Variants in AR observed in about 807,000 individuals in gnomAD.
The protein encoded by AR is androgen receptor.
In AR, 8 loss-of-function variants were observed where a neutral mutation model predicts 53.9. That is an observed-to-expected ratio of 0.15 (90% CI 0.09 to 0.27). The LOEUF is 0.27. Ranked by LOEUF, AR falls within the 10% of genes least tolerant of loss-of-function variation. The pLI, the probability that AR is intolerant of heterozygous loss-of-function variation, is 1.00. For missense variants in AR, 639 were observed against 742.5 expected (o/e 0.86, Z 1.62); for synonymous variants, 359 against 316.4 (o/e 1.13, Z -1.43).
intron 2 of AR, among the ~76,000 whole-genome samples, chrX:67,685,160 A>G (rs151327829): frequency 2.7e-5 from 3 of 111,545 alleles, no homozygotes; most frequent in Admixed American, 1.9e-4. Flanking sequence ...CTGTGTGTCT[A>G]TGCATCCATC....
At chrX:67,697,051 C>T (rs770596092) in intron 3 of AR, among the ~76,000 whole-genome samples, 8 of 111,731 alleles carry the variant, frequency 7.2e-5, no homozygotes, top group Non-Finnish European at 1.3e-4. Context: ...GAAATGGGTC[C>T]TTTTCTTCAA....
intron 2 of AR, among the ~76,000 whole-genome samples, chrX:67,662,467 A>G (rs1353156240): frequency 9.0e-6 from 1 of 111,370 alleles, no homozygotes; most frequent in East Asian, 2.8e-4. Context: ...GTCATTAAGG[A>G]GTAGGTTGTT....
chrX:67,665,511 A>G (rs1191263138), intron 2 of AR, among the ~76,000 whole-genome samples: 1 of 112,202 alleles, frequency 8.9e-6, no homozygotes, highest in Non-Finnish European at 1.9e-5. Context: ...ACACTTTCCC[A>G]TAAGGTGGCT....
chrX:67,638,911 T>A (rs929354203), intron 1 of AR, among the ~76,000 whole-genome samples: 14 of 112,014 alleles, frequency 1.2e-4, no homozygotes, highest in African/African-American at 4.5e-4. Context: ...CATGCCTATG[T>A]CCTGAATGGT....
At chrX:67,723,619 G>A (rs2076146452) in intron 7 of AR, 67 bp from the exon 8 acceptor site, 45 of 1,154,493 alleles carry the variant, frequency 3.9e-5, no homozygotes, top group Non-Finnish European at 5.2e-5. Flanking sequence ...TCAGAGGTTG[G>A]GGAAGAGGCT....
chrX:67,700,283 G>A (rs553452326), intron 3 of AR, among the ~76,000 whole-genome samples: 1 of 111,706 alleles, frequency 9.0e-6, no homozygotes, highest in South Asian at 3.8e-4. Flanking sequence ...TGACACAGTG[G>A]CAAGCTGACC....
chrX:67,635,885 AC>A (rs556347718), intron 1 of AR, among the ~76,000 whole-genome samples: 2 of 111,463 alleles, frequency 1.8e-5, no homozygotes, highest in South Asian at 7.5e-4. Flanking sequence ...CAAATTCTGC[AC>A]TTGTTCTCAA....
intron 2 of AR, among the ~76,000 whole-genome samples, chrX:67,654,929 G>T (rs1347319132): frequency 6.0e-5 from 6 of 100,401 alleles, no homozygotes; most frequent in Non-Finnish European, 1.2e-4. Context: ...TGTCTGTTGT[G>T]GGGGAGGGAG....
chrX:67,674,159 G>GTC (rs758684375), intron 2 of AR, among the ~76,000 whole-genome samples: 38 of 106,387 alleles, frequency 3.6e-4, no homozygotes, highest in East Asian at 1.2e-3. Flanking sequence ...AACAAATAGA[G>GTC]TCTCTCTCTC....
At chrX:67,698,429 A>C in intron 3 of AR, among the ~76,000 whole-genome samples, 1 of 113,019 alleles carries the variant, frequency 8.8e-6, no homozygotes. Flanking sequence ...GCCCCTAGGC[A>C]GGGCATCAAT....
intron 4 of AR, 132 bp downstream of exon 4, chrX:67,711,821 A>C: frequency 1.5e-6 from 1 of 676,569 alleles, no homozygotes; most frequent in Non-Finnish European, 2.1e-6. Context: ...CCTGTGGGAG[A>C]GGGATTGTTA....
At chrX:67,651,870 G>A (rs1926363495) in intron 2 of AR, among the ~76,000 whole-genome samples, 2 of 111,754 alleles carry the variant, frequency 1.8e-5, no homozygotes, top group South Asian at 7.5e-4. Flanking sequence ...ATTCTGATGA[G>A]ACCCAGCATG....
At chrX:67,601,236 A>T (rs1469453918) in intron 1 of AR, among the ~76,000 whole-genome samples, 1 of 112,091 alleles carries the variant, frequency 8.9e-6, no homozygotes, top group Non-Finnish European at 1.9e-5. Context: ...CCAGATCATT[A>T]TGAAAACACA....
chrX:67,591,018 T>C (rs1429653272), intron 1 of AR, among the ~76,000 whole-genome samples: 1 of 112,211 alleles, frequency 8.9e-6, no homozygotes, highest in Admixed American at 9.5e-5. Context: ...GGATTCTTCT[T>C]CCACTTCTGC....
At chrX:67,649,425 T>C (rs766475365) in intron 2 of AR, among the ~76,000 whole-genome samples, 91 of 112,173 alleles carry the variant, frequency 8.1e-4, no homozygotes, top group Non-Finnish European at 1.1e-3. Flanking sequence ...GCATTTCAGG[T>C]TCTAGATCCT....
intron 1 of AR, among the ~76,000 whole-genome samples, chrX:67,563,018 C>T (rs766052785): frequency 1.8e-5 from 2 of 112,055 alleles, no homozygotes; most frequent in African/African-American, 6.5e-5. Context: ...TCACTGAAGA[C>T]ATTCAAGAAG....
chrX:67,700,853 C>T (rs747986485), intron 3 of AR, among the ~76,000 whole-genome samples: 24 of 112,031 alleles, frequency 2.1e-4, no homozygotes, highest in Non-Finnish European at 4.3e-4. Flanking sequence ...GTGGGAAAGT[C>T]GAGGCGACAG....
intron 2 of AR, among the ~76,000 whole-genome samples, chrX:67,674,957 C>T (rs1206182570): frequency 9.0e-6 from 1 of 111,183 alleles, no homozygotes; most frequent in Non-Finnish European, 1.9e-5. Flanking sequence ...GCAAGTACTG[C>T]CTGGCTATCA....
At chrX:67,574,815 A>G (rs1921976966) in intron 1 of AR, among the ~76,000 whole-genome samples, 1 of 111,636 alleles carries the variant, frequency 9.0e-6, no homozygotes, top group Non-Finnish European at 1.9e-5. Context: ...GGAAGAAATT[A>G]GCCTGAGGCC....
Sources: allele counts gnomAD v4.1 joint callset (sites outside exome capture counted in the v4.1 genomes callset), GRCh38; gene constraint gnomAD v4.1.1; transcripts MANE v1.5; gene names NCBI Gene and HGNC (gene_info 2026-07-23, HGNC 2026-07-21).